Variants in PSMB7 observed in about 807,000 individuals in gnomAD.
The protein encoded by PSMB7 is proteasome subunit beta type-7.
In PSMB7, 5 loss-of-function variants were observed where a neutral mutation model predicts 28.1. The ratio of observed to expected loss-of-function variants is 0.18; its 90% CI spans 0.09 to 0.37. The LOEUF (loss-of-function observed/expected upper bound fraction) is 0.37, where lower values mean the gene tolerates loss of function less well. Ranked by LOEUF, PSMB7 falls within the 10% of genes least tolerant of loss-of-function variation. PSMB7 has a pLI of 1.00. For synonymous variants in PSMB7, 122 were observed against 123.7 expected (o/e 0.99, Z 0.09); for missense variants, 275 against 346.2 (o/e 0.79, Z 1.63).
At position 124,384,628 on chromosome 9, in the gene PSMB7, T is replaced by C. The variant is rs769221899; in HGVS notation, c.540A>G (p.Val180=). 3.1e-4 allele frequency: 502 copies of C among 1,613,712 alleles called. No homozygotes were observed. Among genetic ancestry groups the C allele is most frequent in the Non-Finnish European group, 4.1e-4 (478 of 1,179,868 alleles). ...MGSGSLAAMA[V]FEDKFRPDME... ...TGTCTGGCCTAAACTTATCTTCAAA[T>C]ACAGCCATTGCTGCCAAGGAGCCAG... Residue 180 remains valine (V), a synonymous_variant, in exon 6 of 8, where the codon GTA becomes GTG. Coordinates refer to ENST00000259457, the MANE Select transcript of PSMB7 (RefSeq NM_002799.4).
At chr9:124,354,675 C>A (rs1463636841) in intron 7 of PSMB7, among the ~76,000 whole-genome samples, 3 of 152,182 alleles carry the variant, frequency 2.0e-5, no homozygotes, top group Admixed American at 2.0e-4. Flanking sequence ...CCGACCCCCA[C>A]CCTCTTAAAG....
intron 6 of PSMB7, among the ~76,000 whole-genome samples, chr9:124,360,815 A>G (rs950393133): frequency 3.3e-5 from 5 of 152,226 alleles, no homozygotes; most frequent in African/African-American, 1.2e-4. Context: ...TCTGTAATAT[A>G]ATGATAATAA....
intron 5 of PSMB7, chr9:124,396,928 C>T: frequency 2.5e-6 from 1 of 402,192 alleles, no homozygotes; most frequent in Non-Finnish European, 5.1e-6. Context: ...AACTAAAATG[C>T]TTTCCCTTTC....
intron 5 of PSMB7, among the ~76,000 whole-genome samples, chr9:124,402,483 A>T (rs1830920788): frequency 6.6e-6 from 1 of 152,222 alleles, no homozygotes; most frequent in African/African-American, 2.4e-5. Flanking sequence ...AGGTGACAGA[A>T]GAGAACATCT....
intron 6 of PSMB7, among the ~76,000 whole-genome samples, chr9:124,367,644 T>C (rs572013734): frequency 6.6e-6 from 1 of 152,180 alleles, no homozygotes; most frequent in Admixed American, 6.5e-5. Flanking sequence ...TCTAGTCCTG[T>C]TACTTACCAG....
At chr9:124,399,160 T>C (rs1011370932) in intron 5 of PSMB7, among the ~76,000 whole-genome samples, 2 of 152,110 alleles carry the variant, frequency 1.3e-5, no homozygotes, top group Non-Finnish European at 2.9e-5. Context: ...GCGGCTAAGG[T>C]TTCTAACACT....
chr9:124,402,651 C>T (rs1830923636), intron 5 of PSMB7, among the ~76,000 whole-genome samples: 1 of 152,024 alleles, frequency 6.6e-6, no homozygotes, highest in Admixed American at 6.6e-5. Flanking sequence ...AAGGACAGAT[C>T]AGTGTTTGTT....
chr9:124,378,624 C>A (rs773980819), intron 6 of PSMB7, among the ~76,000 whole-genome samples: 1 of 152,172 alleles, frequency 6.6e-6, no homozygotes, highest in Non-Finnish European at 1.5e-5. Context: ...AAATATTAAT[C>A]TTCTACCCAT....
chr9:124,356,288 T>C lies in PSMB7; in HGVS notation c.722+476A>G, dbSNP rs1260442760. On this transcript the variant is annotated intron_variant, in intron 7 of 7. Transcript: ENST00000259457. The surrounding 1 kb of genome is among the most constrained non-coding windows in gnomAD (Gnocchi z 4.4). The stretch of plus-strand genomic sequence containing the variant: ...GCCCACTCGGCATGTAGGCTCAGGC[T>C]CAATGGCACAACTCCCTGTAGCACA... Among the ~76,000 whole-genome samples the C allele has an allele frequency of 6.6e-6, 1 of 152,166 alleles. No individual in the cohort carries two copies. The highest frequency in any genetic ancestry group is 1.9e-4 in the East Asian group (1 of 5,186).
At chr9:124,354,172 A>T (rs79990705) in intron 7 of PSMB7, among the ~76,000 whole-genome samples, 1 of 24,660 alleles carries the variant, frequency 4.1e-5, no homozygotes, top group African/African-American at 1.3e-4. Flanking sequence ...TAAACAGTGT[A>T]AAAAAAATGT....
At position 124,356,893 on chromosome 9, in the gene PSMB7, A is replaced by G; in HGVS notation, c.593T>C (p.Val198Ala). Residue 198 changes from valine (V) to alanine (A), a missense_variant, in exon 7 of 8, where the codon GTG (valine) becomes GCG (alanine). Physicochemically the swap from Val to Ala is moderately conservative, Grantham distance 64 (BLOSUM62 0). Around this residue, in one of 2 missense-constraint regions of PSMB7, gnomAD observed 213 missense variants for 302.4 expected, o/e 0.70. Transcript: ENST00000259457. The surrounding 1 kb of genome is among the most constrained non-coding windows in gnomAD (Gnocchi z 4.4). ...GATGCCAGCTGCGATGGCTTCGCTCACCAGATTCTTGGCTTCCTCCTCCTG... is the reference window on the plus strand; with the variant it reads ...GATGCCAGCTGCGATGGCTTCGCTCGCCAGATTCTTGGCTTCCTCCTCCTG... ...DMEEEEAKNLVSEAIAAGIFN... is the reference protein window; with the variant it reads ...DMEEEEAKNLASEAIAAGIFN... 1 of 1,614,156 alleles carries G rather than the reference A, an allele frequency of 6.2e-7. No individual in the cohort carries two copies. Among genetic ancestry groups the G allele is most frequent in the Non-Finnish European group, 8.5e-7 (1 of 1,180,026 alleles).
chr9:124,387,196 A>T (rs1183495356), intron 5 of PSMB7, among the ~76,000 whole-genome samples: 1 of 152,236 alleles, frequency 6.6e-6, no homozygotes, highest in Non-Finnish European at 1.5e-5. Flanking sequence ...CAGTGAGCCC[A>T]GATCGCGCAA....
At chr9:124,398,170 C>T (rs1475422243) in intron 5 of PSMB7, among the ~76,000 whole-genome samples, 1 of 146,750 alleles carries the variant, frequency 6.8e-6, no homozygotes, top group Non-Finnish European at 1.5e-5. Flanking sequence ...GAGACTCCAT[C>T]TCAAAAAAAA....
Position 124,366,000 on chromosome 9 carries a change from C to T in PSMB7, c.571-9085G>A, listed in dbSNP as rs1390322577. On this transcript the variant is annotated intron_variant, in intron 6 of 7. Transcript: ENST00000259457. Reference sequence around the variant, plus strand: ...TGAGGTAAGATGTGGACGCAAAAGACGGTGATACTGATGGCCCTGGCCCTG... The same window carrying T: ...TGAGGTAAGATGTGGACGCAAAAGATGGTGATACTGATGGCCCTGGCCCTG... Among the ~76,000 whole-genome samples the T allele has an allele frequency of 7.9e-5, 12 of 152,148 alleles. No individual in the cohort carries two copies. In the South Asian group the frequency reaches 8.3e-4, roughly 10 times the overall value.
chr9:124,414,953 A>C lies in PSMB7; in HGVS notation c.63-18T>G. ...CGGCATTCCTAAGAGCAAATGAGAG[A>C]ATCAAGTGTTGAAGGGCAGGACCAC... On this transcript the variant is annotated intron_variant, in intron 1 of 7. Coordinates refer to ENST00000259457, the MANE Select transcript of PSMB7 (RefSeq NM_002799.4). The C allele has an allele frequency of 6.3e-7, 1 of 1,577,212 alleles. No individual in the cohort carries two copies. The highest frequency in any genetic ancestry group is 8.7e-7 in the Non-Finnish European group (1 of 1,149,530).
intron 6 of PSMB7, among the ~76,000 whole-genome samples, chr9:124,370,887 A>C (rs1227166111): frequency 6.6e-6 from 1 of 152,150 alleles, no homozygotes; most frequent in Non-Finnish European, 1.5e-5. Flanking sequence ...TTTTAAACTT[A>C]ATTTTCCACA....
intron 6 of PSMB7, among the ~76,000 whole-genome samples, chr9:124,362,391 C>A (rs533987975): frequency 6.7e-4 from 102 of 152,316 alleles, no homozygotes; most frequent in African/African-American, 2.2e-3. Context: ...CACCTCCATG[C>A]CAGGAGGAAG....
chr9:124,358,162 C>T (rs982054408), intron 6 of PSMB7, among the ~76,000 whole-genome samples: 1 of 152,200 alleles, frequency 6.6e-6, no homozygotes, highest in Non-Finnish European at 1.5e-5. Flanking sequence ...GGACTCCAGG[C>T]CCAAATCCAG....
At chr9:124,374,237 G>A (rs1185199790) in intron 6 of PSMB7, among the ~76,000 whole-genome samples, 4 of 152,164 alleles carry the variant, frequency 2.6e-5, no homozygotes, top group Non-Finnish European at 5.9e-5. Context: ...AAGGTTGGGG[G>A]AAAATGGGGA....
Sources: allele counts gnomAD v4.1 joint callset (sites outside exome capture counted in the v4.1 genomes callset), GRCh38; gene constraint gnomAD v4.1.1; regional missense constraint gnomAD v4.1.1; non-coding constraint Gnocchi (gnomAD v3.1); transcripts MANE v1.5; gene names NCBI Gene and HGNC (gene_info 2026-07-23, HGNC 2026-07-21).